Variants in ITGB3BP observed in about 807,000 individuals in gnomAD.
ITGB3BP encodes integrin subunit beta 3 binding protein.
ITGB3BP carries 27 observed loss-of-function variants against 29.1 expected under a neutral mutation model. The observed-to-expected ratio is 0.93, with a 90% CI of 0.68 to 1.28. The LOEUF is 1.28. ITGB3BP is among the 50% of genes most tolerant of loss of function. The pLI, the probability that ITGB3BP is intolerant of heterozygous loss-of-function variation, is 0.00. For missense variants in ITGB3BP, 192 were observed against 200.2 expected, an observed-to-expected ratio of 0.96 and a Z score of 0.25; for synonymous variants, 61 against 61.4, an observed-to-expected ratio of 0.99 and a Z score of 0.03.
intron 8 of ITGB3BP, chr1:63,446,465 C>T (rs556669080): frequency 9.4e-6 from 2 of 212,478 alleles, no homozygotes; most frequent in East Asian, 2.1e-4. Context: ...CTATAGTCCA[C>T]TTGTCAGCAT....
chr1:63,496,849 T>A (rs1408249157), intron 2 of ITGB3BP, among the ~76,000 whole-genome samples: 1 of 152,208 alleles, frequency 6.6e-6, no homozygotes, highest in Admixed American at 6.5e-5. Flanking sequence ...AGGAAGGTGG[T>A]GCTGAAAGGT....
At chr1:63,468,498 C>T (rs753226318) in intron 4 of ITGB3BP, among the ~76,000 whole-genome samples, 21 of 152,126 alleles carry the variant, frequency 1.4e-4, no homozygotes, top group Non-Finnish European at 2.2e-4. Flanking sequence ...GAGGCCGAGG[C>T]AGGCAGGTCA....
intron 8 of ITGB3BP, among the ~76,000 whole-genome samples, chr1:63,441,964 G>A (rs1272341937): frequency 2.0e-5 from 3 of 152,168 alleles, no homozygotes; most frequent in Non-Finnish European, 2.9e-5. Context: ...GCTGGGGGTG[G>A]TGGCTCATGC....
intron 4 of ITGB3BP, among the ~76,000 whole-genome samples, chr1:63,470,344 T>C (rs926535101): frequency 1.3e-5 from 2 of 152,174 alleles, no homozygotes; most frequent in African/African-American, 2.4e-5. Flanking sequence ...TCTATTAGTA[T>C]AGAAATAAAA....
intron 4 of ITGB3BP, among the ~76,000 whole-genome samples, chr1:63,465,317 A>G (rs1645081022): frequency 6.6e-6 from 1 of 152,202 alleles, no homozygotes; most frequent in Non-Finnish European, 1.5e-5. Context: ...TATTCTTGCA[A>G]ATTTTCTGTA....
At position 63,453,987 on chromosome 1, in the gene ITGB3BP, A is replaced by C; in HGVS notation, c.428-13T>G. On this transcript the variant is annotated splice_polypyrimidine_tract_variant and intron_variant, in intron 6 of 8. Transcript: ENST00000271002. ...TTCACTTTTGTCACTAAAAGAAGTA[A>C]AAATCCCATGTCAAGAATTAACATA... The C allele has an allele frequency of 4.0e-6, 6 of 1,507,940 alleles. No homozygotes were observed. Among genetic ancestry groups the C allele is most frequent in the Non-Finnish European group, 5.5e-6 (6 of 1,090,640 alleles). The allele number at this position is 1,507,940 out of a possible 1,614,324, so 93.4% of individuals were successfully genotyped here.
rs138132775 is a variant in ITGB3BP at position 63,497,478 on chromosome 1, C to T, written c.49-7260G>A. Among the ~76,000 whole-genome samples, 1,021 of 152,124 alleles carry T rather than the reference C, an allele frequency of 6.7e-3. 1 individual carries two copies. The highest frequency in any genetic ancestry group is 0.012 in the Non-Finnish European group (786 of 67,990). On this transcript the variant is annotated intron_variant, in intron 2 of 8. Transcript: ENST00000271002. ...AGAGAAAGGGAGTTTCATTTACCTG[C>T]CGTAAAAGCACTATAAACTTACATC...
At chr1:63,447,772 G>A (rs1018397748) in intron 7 of ITGB3BP, 23 of 376,550 alleles carry the variant, frequency 6.1e-5, no homozygotes, top group Admixed American at 3.9e-4. Flanking sequence ...TCAGTGTGGC[G>A]ATTCCTCAGG....
At chr1:63,507,094 C>T (rs1646097819) in intron 2 of ITGB3BP, among the ~76,000 whole-genome samples, 1 of 152,128 alleles carries the variant, frequency 6.6e-6, no homozygotes, top group Non-Finnish European at 1.5e-5. Context: ...GAGCTTCAAA[C>T]AAATGATAAG....
chr1:63,488,963 T>C (rs767495288), intron 3 of ITGB3BP, among the ~76,000 whole-genome samples: 5 of 152,096 alleles, frequency 3.3e-5, no homozygotes, highest in Admixed American at 6.6e-5. Context: ...TTAATTTCAA[T>C]ATGGAAATTG....
At chr1:63,446,920 TG>T in intron 7 of ITGB3BP, 64 bp from the exon 8 acceptor site, 1 of 1,166,156 alleles carries the variant, frequency 8.6e-7, no homozygotes, top group Non-Finnish European at 1.3e-6. Context: ...CCACAGTATA[TG>T]ATGCAGAATA....
Position 63,523,167 on chromosome 1 carries a change from T to TA in ITGB3BP, c.-35dup. On this transcript the variant is annotated 5_prime_UTR_variant, in exon 1 of 9. Transcript: ENST00000271002. ...TCGGGAAAGCACCACTGCCGCTGAA[T>TA]AAAACGAACCCAGCAACTTCCGAAA... 1 of 1,613,710 alleles carries TA rather than the reference T, an allele frequency of 6.2e-7. No homozygotes were observed. Among genetic ancestry groups the TA allele is most frequent in the Non-Finnish European group, 8.5e-7 (1 of 1,179,976 alleles).
intron 3 of ITGB3BP, among the ~76,000 whole-genome samples, chr1:63,481,988 G>A (rs1380754980): frequency 4.6e-5 from 7 of 151,968 alleles, no homozygotes; most frequent in African/African-American, 1.7e-4. Flanking sequence ...ATAGATTAAT[G>A]TAGGCTGGGT....
At chr1:63,473,927 G>A (rs1358859747) in intron 4 of ITGB3BP, among the ~76,000 whole-genome samples, 1 of 14,422 alleles carries the variant, frequency 6.9e-5, no homozygotes, top group African/African-American at 1.8e-4. Context: ...AGGTGGGGGG[G>A]TCAGCCCCCC....
At chr1:63,478,896 G>T in intron 3 of ITGB3BP, 63 bp from the exon 4 acceptor site, 6 of 588,672 alleles carry the variant, frequency 1.0e-5, no homozygotes, top group Non-Finnish European at 1.7e-5. Context: ...ATTTTAAATA[G>T]AATTTAGTTT....
chr1:63,504,646 G>T (rs535081711), intron 2 of ITGB3BP, among the ~76,000 whole-genome samples: 1 of 152,232 alleles, frequency 6.6e-6, no homozygotes. Flanking sequence ...TTGGCTGTGG[G>T]TTTGTCATAG....
chr1:63,520,601 T>C (rs1423555132), intron 1 of ITGB3BP, among the ~76,000 whole-genome samples: 1 of 152,188 alleles, frequency 6.6e-6, no homozygotes, highest in African/African-American at 2.4e-5. Context: ...TTTTAAGTAG[T>C]ACATACTAAA....
At chr1:63,504,688 C>T (rs1048434741) in intron 2 of ITGB3BP, among the ~76,000 whole-genome samples, 18 of 152,070 alleles carry the variant, frequency 1.2e-4, no homozygotes, top group African/African-American at 4.1e-4. Flanking sequence ...TACGTCCCAT[C>T]GATACCTAAT....
chr1:63,459,809 A>G (rs1644987496), intron 4 of ITGB3BP, among the ~76,000 whole-genome samples: 1 of 152,138 alleles, frequency 6.6e-6, no homozygotes, highest in African/African-American at 2.4e-5. Flanking sequence ...CCAAAAGTGT[A>G]ATTCAGTTAC....
Sources: allele counts gnomAD v4.1 joint callset (sites outside exome capture counted in the v4.1 genomes callset), GRCh38; gene constraint gnomAD v4.1.1; transcripts MANE v1.5; gene names NCBI Gene and HGNC (gene_info 2026-07-23, HGNC 2026-07-21).